MCTP1: variants seen among roughly 807,000 people sequenced by gnomAD.
MCTP1 encodes multiple C2 and transmembrane domain containing 1.
MCTP1 carries 69 observed loss-of-function variants against 120.6 expected under a neutral mutation model. The ratio of observed to expected loss-of-function variants is 0.57; its 90% CI spans 0.47 to 0.70. MCTP1 has a LOEUF of 0.70. Among genes scored for constraint, MCTP1 ranks in the 30% least tolerant of loss-of-function variants. The pLI, the probability that MCTP1 is intolerant of heterozygous loss-of-function variation, is 0.00. For missense variants in MCTP1, 1,203 were observed against 1,248.8 expected, an observed-to-expected ratio of 0.96 and a Z score of 0.55; for synonymous variants, 529 against 493.1, an observed-to-expected ratio of 1.07 and a Z score of -0.96.
At chr5:95,132,814 G>A (rs1208003820) in intron 1 of MCTP1, among the ~76,000 whole-genome samples, 3 of 152,128 alleles carry the variant, frequency 2.0e-5, no homozygotes, top group Admixed American at 6.5e-5. Flanking sequence ...TTACATATTG[G>A]GTGACTACTT....
At chr5:95,239,029 A>G (rs1477116370) in intron 1 of MCTP1, among the ~76,000 whole-genome samples, 3 of 152,172 alleles carry the variant, frequency 2.0e-5, no homozygotes, top group Non-Finnish European at 4.4e-5. Context: ...TCATGCATCT[A>G]ACTGTACCAC....
At chr5:95,052,333 A>T (rs1466443781) in intron 1 of MCTP1, among the ~76,000 whole-genome samples, 1 of 152,214 alleles carries the variant, frequency 6.6e-6, no homozygotes, top group African/African-American at 2.4e-5. Flanking sequence ...AGAGCTAGTG[A>T]ATCATTCAGA....
At chr5:95,183,483 A>C (rs1021546812) in intron 1 of MCTP1, among the ~76,000 whole-genome samples, 11 of 151,974 alleles carry the variant, frequency 7.2e-5, no homozygotes, top group Admixed American at 2.6e-4. Flanking sequence ...GCAATTGATC[A>C]AAATTAAAAC....
intron 2 of MCTP1, among the ~76,000 whole-genome samples, chr5:94,954,128 A>G (rs1228294070): frequency 2.2e-5 from 1 of 44,948 alleles, no homozygotes; most frequent in Non-Finnish European, 4.0e-5. Flanking sequence ...ATATACAAAT[A>G]TATATATGCA....
intron 1 of MCTP1, among the ~76,000 whole-genome samples, chr5:95,176,148 T>C (rs1431220903): frequency 6.6e-6 from 1 of 152,234 alleles, no homozygotes; most frequent in Non-Finnish European, 1.5e-5. Context: ...ATCTTTGTTA[T>C]TCTAATTGAT....
intron 19 of MCTP1, among the ~76,000 whole-genome samples, chr5:94,761,198 T>G (rs1305555775): frequency 1.3e-5 from 2 of 152,236 alleles, no homozygotes; most frequent in Non-Finnish European, 2.9e-5. Context: ...AGGCAAAGTC[T>G]GGCTTCCAGA....
At chr5:94,737,043 C>T (rs1048464219) in intron 19 of MCTP1, among the ~76,000 whole-genome samples, 5 of 152,088 alleles carry the variant, frequency 3.3e-5, no homozygotes, top group African/African-American at 4.8e-5. Context: ...GCTGCAGTGC[C>T]GTGGCAATGA....
intron 1 of MCTP1, among the ~76,000 whole-genome samples, chr5:95,257,127 G>A (rs556401635): frequency 5.8e-4 from 88 of 152,196 alleles, no homozygotes; most frequent in Non-Finnish European, 9.1e-4. Context: ...TTTCAATACT[G>A]GTAAGGACAT....
chr5:95,234,249 C>T (rs1371535970), intron 1 of MCTP1, among the ~76,000 whole-genome samples: 1 of 152,204 alleles, frequency 6.6e-6, no homozygotes, highest in Non-Finnish European at 1.5e-5. Context: ...AGGGCTGAGA[C>T]ACAGAGCCAT....
At chr5:94,840,503 T>A (rs997216899) in intron 17 of MCTP1, among the ~76,000 whole-genome samples, 1 of 152,228 alleles carries the variant, frequency 6.6e-6, no homozygotes, top group Non-Finnish European at 1.5e-5. Context: ...GATGGCTTGA[T>A]TGGGACTTTT....
intron 1 of MCTP1, among the ~76,000 whole-genome samples, chr5:95,031,779 T>C (rs1442164326): frequency 6.6e-6 from 1 of 152,084 alleles, no homozygotes; most frequent in African/African-American, 2.4e-5. Context: ...AATGCTCCAC[T>C]AAAAAGACAT....
chr5:95,180,753 G>C (rs777912132), intron 1 of MCTP1, among the ~76,000 whole-genome samples: 6 of 152,032 alleles, frequency 3.9e-5, no homozygotes, highest in African/African-American at 7.2e-5. Context: ...TCTAGAATAG[G>C]TGATAATATT....
chr5:94,797,287 GC>G (rs886135677), intron 18 of MCTP1, among the ~76,000 whole-genome samples: 6 of 151,888 alleles, frequency 4.0e-5, no homozygotes, highest in South Asian at 4.2e-4. Flanking sequence ...TTGAAGATAA[GC>G]CCCCCCTCAT....
intron 18 of MCTP1, among the ~76,000 whole-genome samples, chr5:94,796,596 CATATATATAATATATATA>C (rs1199173408): frequency 9.8e-5 from 12 of 122,200 alleles, no homozygotes; most frequent in Admixed American, 2.8e-4. Context: ...CACACACACA[CATATATATAATATATATA>C]ATATATATAA....
Position 94,903,235 on chromosome 5 carries a change from A to C in MCTP1, c.1652+6016T>G, listed in dbSNP as rs760056721. 7.2e-5 allele frequency among the ~76,000 whole-genome samples: 11 copies of C among 152,324 alleles called. No individual in the cohort carries two copies. In the South Asian group the frequency reaches 1.9e-3, roughly 26 times the overall value. On this transcript the variant is annotated intron_variant, in intron 10 of 22. Coordinates refer to ENST00000515393, the MANE Select transcript of MCTP1 (RefSeq NM_024717.7). ...CTAGCTGTCCTTGTGCTTTCAGATT[A>C]ATAATGCAGTAGGATTTCTCCTGCT... is the stretch of plus-strand genomic sequence containing the variant.
intron 2 of MCTP1, among the ~76,000 whole-genome samples, chr5:94,991,172 G>A (rs939555903): frequency 2.0e-5 from 3 of 152,134 alleles, no homozygotes; most frequent in South Asian, 2.1e-4. Context: ...TTATTTTCTT[G>A]TGAAAAGTTA....
intron 1 of MCTP1, among the ~76,000 whole-genome samples, chr5:95,169,174 T>C (rs1746864780): frequency 6.6e-6 from 1 of 152,220 alleles, no homozygotes; most frequent in African/African-American, 2.4e-5. Flanking sequence ...TTGTCTTTGG[T>C]TCTGTTTATA....
At chr5:94,787,403 C>T (rs185308) in intron 18 of MCTP1, among the ~76,000 whole-genome samples, 55,923 of 151,832 alleles carry the variant, frequency 0.37, 10,982 homozygotes, top group East Asian at 0.64. Context: ...ACTATGGATA[C>T]AGGAAATCTT....
chr5:95,191,755 CACTCCTGCT>C (rs1749850595), intron 1 of MCTP1, among the ~76,000 whole-genome samples: 1 of 151,980 alleles, frequency 6.6e-6, no homozygotes, highest in Non-Finnish European at 1.5e-5. Context: ...AGCTGACTCC[CACTCCTGCT>C]ACAAGTGCAT....
Sources: allele counts gnomAD v4.1 joint callset (sites outside exome capture counted in the v4.1 genomes callset), GRCh38; gene constraint gnomAD v4.1.1; transcripts MANE v1.5; gene names NCBI Gene and HGNC (gene_info 2026-07-23, HGNC 2026-07-21).